PRMT7: variants seen among roughly 807,000 people sequenced by gnomAD.
The protein encoded by PRMT7 is protein arginine methyltransferase 7.
In PRMT7, 75 loss-of-function variants were observed where a neutral mutation model predicts 85.4. The observed-to-expected ratio is 0.88, with a 90% CI of 0.73 to 1.06. PRMT7 has a LOEUF of 1.06. Among genes scored for constraint, PRMT7 ranks in the 50% least tolerant of loss-of-function variants. PRMT7 has a pLI of 0.00. For synonymous variants in PRMT7, 397 were observed against 359.5 expected (o/e 1.10, Z -1.18); for missense variants, 868 against 915.2 (o/e 0.95, Z 0.67).
chr16:68,354,104 C>T (rs2087885075), intron 16 of PRMT7, among the ~76,000 whole-genome samples: 1 of 152,178 alleles, frequency 6.6e-6, no homozygotes, highest in African/African-American at 2.4e-5. Context: ...TAAGGAAATG[C>T]ACGTGGCTCC....
In PRMT7 at chr16:68,352,261, TG is replaced by T; in HGVS notation, c.1430del (p.Gly477AlafsTer34). 1 of 1,613,142 alleles carries T rather than the reference TG, an allele frequency of 6.2e-7. No homozygotes were observed. Among genetic ancestry groups the T allele is most frequent in the Non-Finnish European group, 8.5e-7 (1 of 1,179,950 alleles). On this transcript the variant is annotated frameshift_variant, in exon 15 of 19. Transcript: ENST00000441236. LOFTEE classifies it high-confidence loss of function. Reference protein sequence around the residue: ...DLQGRKVSLLLGEPFFTTSLL... With the variant: ...DLQGRKVSLLXGEPFFTTSLL... ...CCCATTCACCAGGTCTCTCTCCTCCTGGGCGAGCCGTTCTTCACTACCAGCC... is the reference window on the plus strand; with the variant it reads ...CCCATTCACCAGGTCTCTCTCCTCCTGGCGAGCCGTTCTTCACTACCAGCC...
rs1440468325 is a variant in PRMT7, at chr16:68,357,284, A to T, written c.*60A>T. On this transcript the variant is annotated 3_prime_UTR_variant, in exon 19 of 19. Coordinates refer to ENST00000441236, the MANE Select transcript of PRMT7 (RefSeq NM_019023.5). ...GGTTCTGAGTGGCTCATGGCTTTCT[A>T]GCGGGGAAGGCTGAAGGCCCTCCTC... 3 of 1,525,482 alleles carry T rather than the reference A, an allele frequency of 2.0e-6. No individual in the cohort carries two copies. The highest frequency in any genetic ancestry group is 2.8e-5 in the African/African-American group (2 of 72,368). The allele number at this position is 1,525,482 out of a possible 1,614,324, so 94.5% of individuals were successfully genotyped here.
At position 68,346,298 on chromosome 16, in the gene PRMT7, T is replaced by C; in HGVS notation, c.1191+18T>C. 1 of 1,612,496 alleles carries C rather than the reference T, an allele frequency of 6.2e-7. No homozygotes were observed. The highest frequency in any genetic ancestry group is 8.5e-7 in the Non-Finnish European group (1 of 1,178,616). On this transcript the variant is annotated intron_variant, in intron 11 of 18. Coordinates refer to ENST00000441236, the MANE Select transcript of PRMT7 (RefSeq NM_019023.5). ...TGAGGACCGTAAGTGTCCAGCCCCT[T>C]GGCTTGTTGTGGGGAAAAGGGAGAA...
At chr16:68,344,813 A>G (rs973227241) in intron 9 of PRMT7, among the ~76,000 whole-genome samples, 2 of 152,094 alleles carry the variant, frequency 1.3e-5, no homozygotes, top group East Asian at 1.9e-4. Flanking sequence ...GAAAAATTAT[A>G]TATCCACAGA....
chr16:68,311,322 GT>G (rs1423487729), intron 1 of PRMT7: 4 of 322,486 alleles, frequency 1.2e-5, no homozygotes, highest in African/African-American at 8.9e-5. Flanking sequence ...GCGGGGCTCT[GT>G]CGCAGTACTC....
chr16:68,336,209 T>A (rs1373306161), intron 6 of PRMT7, among the ~76,000 whole-genome samples: 1 of 152,240 alleles, frequency 6.6e-6, no homozygotes, highest in Non-Finnish European at 1.5e-5. Context: ...TAATTCTCCC[T>A]GATGAATAGC....
chr16:68,337,371 C>CCTTAACCA lies in PRMT7; in HGVS notation c.392-83_392-76dup, dbSNP rs1403513745. ...TATATGTGCTTTTAGCGTGATGGCC[C>CCTTAACCA]CTTAACCACTTATCTTTCCCATATT... On this transcript the variant is annotated intron_variant, in intron 6 of 18. Transcript: ENST00000441236. 4.5e-6 allele frequency: 4 copies of CCTTAACCA among 879,570 alleles called. No individual in the cohort carries two copies. The African/African-American group carries it at 5.0e-5, about 11-fold the overall frequency. 54.5% of individuals were successfully genotyped at this position (879,570 alleles called of 1,614,324 possible). A position where few individuals can be genotyped will look rare whatever the true frequency, so the allele number is the denominator to read the frequency against.
chr16:68,347,434 G>C, intron 12 of PRMT7, 140 bp downstream of exon 12: 1 of 1,071,712 alleles, frequency 9.3e-7, no homozygotes, highest in Non-Finnish European at 1.3e-6. Flanking sequence ...TCAGGGGCTG[G>C]GGGGTTTATT....
At chr16:68,350,137 G>A (rs961791659) in intron 14 of PRMT7, among the ~76,000 whole-genome samples, 1 of 152,242 alleles carries the variant, frequency 6.6e-6, no homozygotes, top group African/African-American at 2.4e-5. Flanking sequence ...TGAAGGCTGT[G>A]TAGCATTCCA....
At chr16:68,322,256 T>G in intron 4 of PRMT7, 2 of 278,688 alleles carry the variant, frequency 7.2e-6, no homozygotes, top group South Asian at 5.5e-5. Flanking sequence ...CCCAGTGCAG[T>G]GGTGTGATCT....
intron 7 of PRMT7, among the ~76,000 whole-genome samples, chr16:68,337,866 G>T (rs1270711564): frequency 2.0e-5 from 3 of 152,254 alleles, no homozygotes; most frequent in African/African-American, 7.2e-5. Context: ...GAAGTGATCA[G>T]GTGTTGGCCT....
At chr16:68,325,705 C>T (rs2083029160) in intron 5 of PRMT7, among the ~76,000 whole-genome samples, 3 of 151,676 alleles carry the variant, frequency 2.0e-5, no homozygotes, top group African/African-American at 7.3e-5. Flanking sequence ...GCGAGAGAAT[C>T]GCTTGAACCC....
chr16:68,335,260 T>G (rs546868989), intron 6 of PRMT7, among the ~76,000 whole-genome samples: 1 of 152,354 alleles, frequency 6.6e-6, no homozygotes, highest in South Asian at 2.1e-4. Context: ...TACGGGGCAC[T>G]AGACCTTGTG....
At chr16:68,329,403 C>T (rs2083543237) in intron 6 of PRMT7, 1 of 344,174 alleles carries the variant, frequency 2.9e-6, no homozygotes, top group African/African-American at 2.1e-5. Flanking sequence ...AATGGAGACG[C>T]AAACAAAACC....
intron 7 of PRMT7, 138 bp downstream of exon 7, chr16:68,337,709 G>A (rs2084911762): frequency 2.7e-5 from 12 of 451,798 alleles, no homozygotes; most frequent in Non-Finnish European, 3.9e-6. Flanking sequence ...TTCCTGGGGG[G>A]GCTCTGGTTC....
chr16:68,350,095 A>G (rs951466979), intron 14 of PRMT7, among the ~76,000 whole-genome samples: 1 of 152,098 alleles, frequency 6.6e-6, no homozygotes. Flanking sequence ...CGCTGAGCAT[A>G]ATGTCTTTGA....
chr16:68,349,630 A>T (rs542833987), intron 14 of PRMT7, among the ~76,000 whole-genome samples: 4 of 152,184 alleles, frequency 2.6e-5, no homozygotes, highest in African/African-American at 9.7e-5. Context: ...ATGGTGGCAC[A>T]TGTCTGTAAT....
intron 5 of PRMT7, among the ~76,000 whole-genome samples, chr16:68,325,151 A>C (rs2082957967): frequency 1.3e-5 from 2 of 151,720 alleles, no homozygotes; most frequent in African/African-American, 4.8e-5. Flanking sequence ...TGAGCCCAGG[A>C]GTTTGAGACC....
chr16:68,346,097 T>G, intron 10 of PRMT7, 48 bp from the exon 11 acceptor site: 1 of 1,608,078 alleles, frequency 6.2e-7, no homozygotes, highest in Non-Finnish European at 8.5e-7. Context: ...TCTGGAGACC[T>G]GTGGAGGCGC....
Sources: gnomAD v4.1 joint callset for allele counts (sites outside exome capture counted in the v4.1 genomes callset) on GRCh38, gnomAD v4.1.1 for gene constraint, MANE v1.5 for transcripts, NCBI Gene and HGNC (gene_info 2026-07-23, HGNC 2026-07-21) for gene names.